Variants in NSD1 observed in about 807,000 individuals in gnomAD.
NSD1 encodes histone-lysine N-methyltransferase, H3 lysine-36 specific.
In NSD1, 26 loss-of-function variants were observed where a neutral mutation model predicts 242.7. That is an observed-to-expected ratio of 0.11 (90% CI 0.08 to 0.15). NSD1 has a LOEUF of 0.15. Among genes scored for constraint, NSD1 ranks in the 10% least tolerant of loss-of-function variants. The pLI, the probability that NSD1 is intolerant of heterozygous loss-of-function variation, is 1.00. For synonymous variants in NSD1, 1,106 were observed against 1,178.1 expected (o/e 0.94, Z 1.25); for missense variants, 2,495 against 3,272.8 (o/e 0.76, Z 5.80).
chr5:177,246,992 G>T (rs1282212064), intron 10 of NSD1, among the ~76,000 whole-genome samples, 196 bp downstream of exon 10: 8 of 152,162 alleles, frequency 5.3e-5, no homozygotes, highest in Non-Finnish European at 1.2e-4. Flanking sequence ...CTGTCAATAT[G>T]GTCTTTTTAA....
intron 17 of NSD1, among the ~76,000 whole-genome samples, chr5:177,280,266 C>G (rs1056719550): frequency 6.6e-6 from 1 of 151,554 alleles, no homozygotes; most frequent in Admixed American, 6.6e-5. Context: ...CGTGAGCCAC[C>G]GTACCTGGCT....
At chr5:177,285,334 C>T (rs761911552) in intron 20 of NSD1, among the ~76,000 whole-genome samples, 2 of 151,888 alleles carry the variant, frequency 1.3e-5, no homozygotes, top group Non-Finnish European at 2.9e-5. Context: ...GAGGCCAACA[C>T]GGGCAGATCA....
Position 177,238,164 on chromosome 5 carries a change from T to G in NSD1, c.3922-73T>G. The G allele has an allele frequency of 6.6e-7, 1 of 1,505,796 alleles. No homozygotes were observed. The highest frequency in any genetic ancestry group is 9.2e-7 in the Non-Finnish European group (1 of 1,082,528). 93.3% of individuals were successfully genotyped at this position (1,505,796 alleles called of 1,614,324 possible). A position where few individuals can be genotyped will look rare whatever the true frequency, so the allele number is the denominator to read the frequency against. On this transcript the variant is annotated intron_variant, in intron 6 of 22. Transcript: ENST00000439151. The surrounding 1 kb of genome is among the most constrained non-coding windows in gnomAD (Gnocchi z 4.6). Reference sequence around the variant, plus strand: ...TGTCAGAATTTCATTCCTTTTAAAGTGTGTTATTCTTTTTGACACTTAAAT... The same window carrying G: ...TGTCAGAATTTCATTCCTTTTAAAGGGTGTTATTCTTTTTGACACTTAAAT...
At chr5:177,242,737 C>T (rs909352562) in intron 8 of NSD1, among the ~76,000 whole-genome samples, 28 of 151,990 alleles carry the variant, frequency 1.8e-4, no homozygotes, top group African/African-American at 4.8e-5. Flanking sequence ...CAATGGTAGT[C>T]GGGCTGGTCT....
upstream of NSD1, chr5:177,133,514 C>A (rs530492749): frequency 2.0e-4 from 31 of 151,418 alleles, 1 homozygote; most frequent in African/African-American, 6.3e-4. The surrounding 1 kb of genome is among the most constrained non-coding windows in gnomAD (Gnocchi z 6.2). Context: ...GCAGCCGGGC[C>A]GGCCCGTAGG....
intron 16 of NSD1, among the ~76,000 whole-genome samples, chr5:177,271,636 A>G (rs1395468689): frequency 6.6e-6 from 1 of 152,240 alleles, no homozygotes; most frequent in Non-Finnish European, 1.5e-5. Flanking sequence ...TATTAATAAA[A>G]TCCTGAGTTA....
chr5:177,265,712 G>A (rs1436612738), intron 14 of NSD1: 1 of 1,606,122 alleles, frequency 6.2e-7, no homozygotes, highest in South Asian at 1.1e-5. Context: ...CGTCTTCAAG[G>A]TCAGGTAGTC....
chr5:177,225,679 G>A (rs1764581799), intron 5 of NSD1, among the ~76,000 whole-genome samples: 2 of 152,120 alleles, frequency 1.3e-5, no homozygotes, highest in African/African-American at 4.8e-5. Context: ...ATGTACATGT[G>A]AATATTACTG....
At chr5:177,220,863 G>C (rs562257420) in intron 5 of NSD1, among the ~76,000 whole-genome samples, 1 of 151,848 alleles carries the variant, frequency 6.6e-6, no homozygotes, top group East Asian at 1.9e-4. Flanking sequence ...GAGCCACTGT[G>C]GTCGGCCTCT....
At chr5:177,282,264 T>C (rs1426599115) in intron 18 of NSD1, among the ~76,000 whole-genome samples, 1 of 152,230 alleles carries the variant, frequency 6.6e-6, no homozygotes, top group Non-Finnish European at 1.5e-5. Flanking sequence ...ATCTTTCTGC[T>C]GCTGACAGTG....
intron 3 of NSD1, among the ~76,000 whole-genome samples, chr5:177,195,301 A>C (rs1762021739): frequency 6.6e-6 from 1 of 152,106 alleles, no homozygotes; most frequent in Non-Finnish European, 1.5e-5. Context: ...TTGGCAATAC[A>C]ATGAGACACT....
At position 177,239,748 on chromosome 5, in the gene NSD1, C is replaced by T. The variant is rs1445626455; in HGVS notation, c.4193-8C>T. The T allele has an allele frequency of 7.3e-6, 11 of 1,506,650 alleles. No homozygotes were observed. The highest frequency in any genetic ancestry group is 1.0e-5 in the Non-Finnish European group (11 of 1,083,062). 93.3% of individuals were successfully genotyped at this position (1,506,650 alleles called of 1,614,324 possible). On this transcript the variant is annotated splice_polypyrimidine_tract_variant and splice_region_variant and intron_variant, in intron 7 of 22. Coordinates refer to ENST00000439151, the MANE Select transcript of NSD1 (RefSeq NM_022455.5). ...AAATCATCTAATGTAAAGATACATG[C>T]ATTTCAGGAAATTATGAAAGTAAAC...
intron 2 of NSD1, among the ~76,000 whole-genome samples, chr5:177,154,926 C>T (rs1757999373): frequency 6.6e-6 from 1 of 151,776 alleles, no homozygotes; most frequent in Admixed American, 6.6e-5. Flanking sequence ...GAACTCCTGA[C>T]CTCAGGTTAT....
At chr5:177,150,837 G>A (rs1228803672) in intron 2 of NSD1, among the ~76,000 whole-genome samples, 1 of 152,166 alleles carries the variant, frequency 6.6e-6, no homozygotes, top group Non-Finnish European at 1.5e-5. Flanking sequence ...CCTGGTGAAA[G>A]TAGGTGATGT....
Position 177,144,523 on chromosome 5 carries a change from G to T in NSD1, c.927+8493G>T, listed in dbSNP as rs79474944. Among the ~76,000 whole-genome samples the T allele has an allele frequency of 8.5e-3, 1,287 of 152,096 alleles. 19 individuals are homozygous for T. Among genetic ancestry groups the T allele is most frequent in the African/African-American group, 0.03 (1,228 of 41,496 alleles). On this transcript the variant is annotated intron_variant, in intron 2 of 22. Coordinates refer to ENST00000439151, the MANE Select transcript of NSD1 (RefSeq NM_022455.5). Reference sequence around the variant, plus strand: ...TGATAATCAGAATAATTTAATTTGTGCAATAGGATCAATAGCTTTCTGTAT... The same window carrying T: ...TGATAATCAGAATAATTTAATTTGTTCAATAGGATCAATAGCTTTCTGTAT...
intron 18 of NSD1, among the ~76,000 whole-genome samples, chr5:177,282,188 TAAG>T (rs1219944785): frequency 2.0e-5 from 3 of 152,202 alleles, no homozygotes; most frequent in Non-Finnish European, 4.4e-5. Flanking sequence ...TCTCTCTTTA[TAAG>T]GACGCTCTAG....
chr5:177,250,730 A>T (rs1303783164), intron 11 of NSD1, among the ~76,000 whole-genome samples: 1 of 152,202 alleles, frequency 6.6e-6, no homozygotes. Context: ...GAGTTCCCCT[A>T]TCAATTCCAG....
At chr5:177,224,351 TTG>T (rs2149869263) in intron 5 of NSD1, among the ~76,000 whole-genome samples, 1 of 152,264 alleles carries the variant, frequency 6.6e-6, no homozygotes, top group African/African-American at 2.4e-5. Context: ...CCATGATACT[TTG>T]TAATTTTCAG....
intron 2 of NSD1, among the ~76,000 whole-genome samples, chr5:177,188,785 C>T (rs1336315289): frequency 3.3e-5 from 5 of 151,848 alleles, no homozygotes; most frequent in East Asian, 1.9e-4. Context: ...TGAGCCACCA[C>T]GGCTCCTAGC....
Sources: gnomAD v4.1 joint callset for allele counts (sites outside exome capture counted in the v4.1 genomes callset) on GRCh38, gnomAD v4.1.1 for gene constraint, Gnocchi (gnomAD v3.1) non-coding constraint, MANE v1.5 for transcripts, NCBI Gene and HGNC (gene_info 2026-07-23, HGNC 2026-07-21) for gene names.